Variants in C7orf33 observed in about 807,000 individuals in gnomAD.
C7orf33 encodes uncharacterized protein C7orf33.
C7orf33 carries 15 observed loss-of-function variants against 13.4 expected under a neutral mutation model. The observed-to-expected ratio is 1.12, with a 90% confidence interval of 0.75 to 1.72. The LOEUF (loss-of-function observed/expected upper bound fraction) is 1.72, where lower values mean the gene tolerates loss of function less well. C7orf33 is among the 40% of genes most tolerant of loss of function. The pLI, the probability that C7orf33 is intolerant of heterozygous loss-of-function variation, is 0.00. For synonymous variants in C7orf33, 73 were observed against 83.2 expected (o/e 0.88, Z 0.67); for missense variants, 187 against 220.3 (o/e 0.85, Z 0.96).
rs940143798 is a variant in C7orf33 at position 148,594,171 on chromosome 7, CT to C, written c.204+3061del. The stretch of plus-strand genomic sequence containing the variant: ...ACCATGAGCCAATTAAACCTCTTTT[CT>C]TTTTTTTTTTTTTTTTTTCTGAGAC... On this transcript the variant is annotated intron_variant, in intron 1 of 2. Coordinates refer to ENST00000307003, the MANE Select transcript of C7orf33 (RefSeq NM_145304.4). 9.9e-3 allele frequency among the ~76,000 whole-genome samples: 1,282 copies of C among 129,292 alleles called. 11 individuals carry two copies. Among genetic ancestry groups the C allele is most frequent in the African/African-American group, 0.032 (1,092 of 34,160 alleles). 84.8% of individuals were successfully genotyped at this position (129,292 alleles called of 152,430 possible).
chr7:148,597,943 G>A (rs1314236607), intron 1 of C7orf33, among the ~76,000 whole-genome samples: 6 of 152,112 alleles, frequency 3.9e-5, no homozygotes, highest in Admixed American at 3.9e-4. Context: ...TTTTAGTAGA[G>A]ATGGGGTTTC....
At chr7:148,593,966 T>G (rs755447944) in intron 1 of C7orf33, among the ~76,000 whole-genome samples, 13 of 152,176 alleles carry the variant, frequency 8.5e-5, no homozygotes, top group Non-Finnish European at 5.9e-5. Flanking sequence ...GTCCTTGCGA[T>G]AGTGAGTGAG....
intron 1 of C7orf33, among the ~76,000 whole-genome samples, chr7:148,613,737 G>C (rs1292936741): frequency 6.6e-6 from 1 of 152,174 alleles, no homozygotes; most frequent in Non-Finnish European, 1.5e-5. Flanking sequence ...ATTGACAGTG[G>C]TGACGGTTGC....
rs778901810 is a variant in C7orf33 at position 148,615,407 on chromosome 7, T to C, written c.*6T>C. On this transcript the variant is annotated 3_prime_UTR_variant, in exon 3 of 3. Coordinates refer to ENST00000307003, the MANE Select transcript of C7orf33 (RefSeq NM_145304.4). ...CCAGAACTGACAGCAGTTAAGAATTTTGCAGAATCTAAGAGTCACATCTCT... is the reference window on the plus strand; with the variant it reads ...CCAGAACTGACAGCAGTTAAGAATTCTGCAGAATCTAAGAGTCACATCTCT... 6.9e-6 allele frequency: 11 copies of C among 1,596,144 alleles called. No individual in the cohort carries two copies. The East Asian group carries it at 1.8e-4, about 26-fold the overall frequency.
intron 1 of C7orf33, among the ~76,000 whole-genome samples, chr7:148,598,235 A>G (rs7794405): frequency 0.024 from 3,598 of 152,102 alleles, 143 homozygotes; most frequent in African/African-American, 0.083. Context: ...TGAAATGTTC[A>G]GTTCCCTCAA....
chr7:148,615,049 C>T (rs1796585610), intron 2 of C7orf33, among the ~76,000 whole-genome samples: 1 of 151,928 alleles, frequency 6.6e-6, no homozygotes, highest in Admixed American at 6.6e-5. Context: ...TTTTTTAATA[C>T]TTTTTAAAAT....
rs140329555 is a variant in C7orf33 at position 148,596,932 on chromosome 7, G to A, written c.204+5803G>A. 4.6e-4 allele frequency among the ~76,000 whole-genome samples: 70 copies of A among 152,212 alleles called. 1 individual carries two copies. The East Asian group carries it at 8.3e-3, about 18-fold the overall frequency. Reference sequence around the variant, plus strand: ...CTACAGTCCGTGGCCTTTTCAGATTGGCTTCTTTCACTTAGCGATATGCAT... The same window carrying A: ...CTACAGTCCGTGGCCTTTTCAGATTAGCTTCTTTCACTTAGCGATATGCAT... On this transcript the variant is annotated intron_variant, in intron 1 of 2. Transcript: ENST00000307003.
intron 1 of C7orf33, among the ~76,000 whole-genome samples, chr7:148,610,204 G>C (rs1304919478): frequency 2.0e-5 from 3 of 152,206 alleles, no homozygotes; most frequent in Non-Finnish European, 4.4e-5. Context: ...CTGTCGACTT[G>C]ATTGGATTGA....
At chr7:148,607,495 G>A (rs1453272114) in intron 1 of C7orf33, among the ~76,000 whole-genome samples, 1 of 152,122 alleles carries the variant, frequency 6.6e-6, no homozygotes, top group Non-Finnish European at 1.5e-5. Flanking sequence ...TCCCTAGAAT[G>A]TAGATTTATT....
At chr7:148,593,737 G>A (rs1271346233) in intron 1 of C7orf33, among the ~76,000 whole-genome samples, 2 of 152,174 alleles carry the variant, frequency 1.3e-5, no homozygotes, top group Non-Finnish European at 2.9e-5. Context: ...CCTGTTTGGA[G>A]GGGATTGTAG....
rs549712040 is a variant in C7orf33 at position 148,591,084 on chromosome 7, C to T, written c.159C>T (p.Gly53=). ...RAVAVWVHVR[G]GPGQFNLSYA... ...TCGCTGTTTGGGTCCACGTTAGGGGCGGTCCAGGTCAATTTAACTTGTCAT... is the reference window on the plus strand; with the variant it reads ...TCGCTGTTTGGGTCCACGTTAGGGGTGGTCCAGGTCAATTTAACTTGTCAT... The change falls in exon 1 of 3, where the codon GGC becomes GGT. Residue 53 remains glycine (G), a synonymous_variant. Coordinates refer to ENST00000307003, the MANE Select transcript of C7orf33 (RefSeq NM_145304.4). 3.6e-5 allele frequency: 58 copies of T among 1,613,454 alleles called. No individual in the cohort carries two copies. Among genetic ancestry groups the T allele is most frequent in the Non-Finnish European group, 4.4e-5 (52 of 1,179,862 alleles).
chr7:148,614,431 A>T lies in C7orf33; in HGVS notation c.459+135A>T, dbSNP rs964259096. ...GATGTTTCATATTCTCTGAATGTCC[A>T]GCATGAAACTGATCTGATCCCATGC... On this transcript the variant is annotated intron_variant, in intron 2 of 2. Coordinates refer to ENST00000307003, the MANE Select transcript of C7orf33 (RefSeq NM_145304.4). 11 of 1,038,704 alleles carry T rather than the reference A, an allele frequency of 1.1e-5. No homozygotes were observed. In the East Asian group the frequency reaches 2.7e-4, roughly 25 times the overall value. The allele number at this position is 1,038,704 out of a possible 1,614,324, so 64.3% of individuals were successfully genotyped here. A position where few individuals can be genotyped will look rare whatever the true frequency, so the allele number is the denominator to read the frequency against.
chr7:148,591,205 C>A (rs1796265488), intron 1 of C7orf33, 76 bp downstream of exon 1: 1 of 1,246,086 alleles, frequency 8.0e-7, no homozygotes, highest in Non-Finnish European at 1.2e-6. Context: ...TTCACTCAAT[C>A]CATGAATGTT....
rs1032909920 is a variant in C7orf33 at position 148,598,069 on chromosome 7, T to C, written c.204+6940T>C. ...GGCGCCCAGCCTCCCTTGCGTTTCT[T>C]ATACTCTACTTACATATGTATTCTT... On this transcript the variant is annotated intron_variant, in intron 1 of 2. Transcript: ENST00000307003. Among the ~76,000 whole-genome samples, 13 of 152,230 alleles carry C rather than the reference T, an allele frequency of 8.5e-5. No homozygotes were observed. The East Asian group carries it at 1.2e-3, about 13-fold the overall frequency.
At chr7:148,592,200 T>G (rs1005082456) in intron 1 of C7orf33, among the ~76,000 whole-genome samples, 9 of 152,316 alleles carry the variant, frequency 5.9e-5, no homozygotes, top group African/African-American at 2.2e-4. Context: ...GAGGATTTCA[T>G]GACCTTTCCC....
chr7:148,600,723 T>C (rs566691478), intron 1 of C7orf33, among the ~76,000 whole-genome samples: 1 of 152,248 alleles, frequency 6.6e-6, no homozygotes, highest in African/African-American at 2.4e-5. Flanking sequence ...CAGGGTTCTG[T>C]CTTATTAATC....
rs67055222 is a variant in C7orf33 at position 148,595,630 on chromosome 7, C to CATCTATATTATATAGATATAATATAG, written c.204+4548_204+4573dup. 2.7e-3 allele frequency among the ~76,000 whole-genome samples: 240 copies of CATCTATATTATATAGATATAATATAG among 88,994 alleles called. 4 individuals are homozygous for CATCTATATTATATAGATATAATATAG. The highest frequency in any genetic ancestry group is 0.013 in the East Asian group (37 of 2,870). 58.4% of individuals were successfully genotyped at this position (88,994 alleles called of 152,430 possible). A position where few individuals can be genotyped will look rare whatever the true frequency, so the allele number is the denominator to read the frequency against. ...TATTATATATATTATATATAATATACATCTATATTATATAGATATAATATA... is the reference window on the plus strand; with the variant it reads ...TATTATATATATTATATATAATATACATCTATATTATATAGATATAATATAGATCTATATTATATAGATATAATATA... On this transcript the variant is annotated intron_variant, in intron 1 of 2. Coordinates refer to ENST00000307003, the MANE Select transcript of C7orf33 (RefSeq NM_145304.4).
chr7:148,607,507 A>G (rs1209355436), intron 1 of C7orf33, among the ~76,000 whole-genome samples: 1 of 152,204 alleles, frequency 6.6e-6, no homozygotes, highest in Non-Finnish European at 1.5e-5. Flanking sequence ...AGATTTATTG[A>G]TTAAAAAGAG....
intron 1 of C7orf33, among the ~76,000 whole-genome samples, chr7:148,605,984 A>G (rs1796469012): frequency 6.6e-6 from 1 of 152,190 alleles, no homozygotes; most frequent in African/African-American, 2.4e-5. Flanking sequence ...GGATAAACAG[A>G]ATGGCCTGAG....
Sources: allele counts gnomAD v4.1 joint callset (sites outside exome capture counted in the v4.1 genomes callset), GRCh38; gene constraint gnomAD v4.1.1; transcripts MANE v1.5; gene names NCBI Gene and HGNC (gene_info 2026-07-23, HGNC 2026-07-21).